Variants in G3BP2 observed in about 807,000 individuals in gnomAD.
G3BP2 encodes the protein G3BP stress granule assembly factor 2.
In G3BP2, 11 loss-of-function variants were observed where a neutral mutation model predicts 56.7. That is an observed-to-expected ratio of 0.19 (90% CI 0.12 to 0.32). The LOEUF (loss-of-function observed/expected upper bound fraction) is 0.32, where lower values mean the gene tolerates loss of function less well. G3BP2 is among the 10% of genes least tolerant of loss of function. G3BP2 has a pLI of 1.00. For missense variants in G3BP2, 340 were observed against 610.9 expected (o/e 0.56, Z 4.67); for synonymous variants, 165 against 191.6 (o/e 0.86, Z 1.15).
At chr4:75,648,785 G>A in intron 8 of G3BP2, 44 bp from the exon 9 acceptor site, 2 of 1,198,566 alleles carry the variant, frequency 1.7e-6, no homozygotes, top group Non-Finnish European at 1.2e-6. Context: ...ACACTCCACT[G>A]GAGAAAAACC....
At chr4:75,673,577 C>G (rs1057512261), upstream of G3BP2, 8 of 1,231,824 alleles carry the variant, frequency 6.5e-6, no homozygotes, top group Non-Finnish European at 8.1e-6. Flanking sequence ...CGCTCGCACA[C>G]GCTCGCGCCC....
chr4:75,656,380 T>C (rs972966893), intron 5 of G3BP2, among the ~76,000 whole-genome samples: 2 of 152,136 alleles, frequency 1.3e-5, no homozygotes, highest in Non-Finnish European at 2.9e-5. Flanking sequence ...AAGTTTAATA[T>C]TTATTGTACT....
At chr4:75,680,961 C>G (rs562373384) in intron 3 of G3BP2, among the ~76,000 whole-genome samples, 1 of 144,926 alleles carries the variant, frequency 6.9e-6, no homozygotes, top group Non-Finnish European at 1.5e-5. Flanking sequence ...AGCAAGACCC[C>G]GTCTCAAAAA....
intron 3 of G3BP2, among the ~76,000 whole-genome samples, chr4:75,697,515 T>C (rs1719174470): frequency 6.6e-6 from 1 of 152,130 alleles, no homozygotes; most frequent in African/African-American, 2.4e-5. Flanking sequence ...TTAATGTATT[T>C]ATGTAAATTA....
In G3BP2 at chr4:75,658,900, A is replaced by G; in HGVS notation, c.120T>C (p.Tyr40=). The stretch of plus-strand genomic sequence containing the variant: ...CACTAGCATCTACTCCACCATGAAC[A>G]TAGGAAGAATTCCTGCCATAAAACC... ...LHRFYGRNSS[Y]VHGGVDASGK... Residue 40 remains tyrosine, a synonymous_variant, in exon 3 of 12, where the codon TAT becomes TAC. Transcript: ENST00000359707. 6.2e-7 allele frequency: 1 copy of G among 1,612,736 alleles called. No homozygotes were observed. Among genetic ancestry groups the G allele is most frequent in the African/African-American group, 1.3e-5 (1 of 75,052 alleles).
intron 3 of G3BP2, among the ~76,000 whole-genome samples, chr4:75,691,207 G>C (rs1216428069): frequency 1.3e-5 from 2 of 151,878 alleles, no homozygotes; most frequent in Non-Finnish European, 2.9e-5. Flanking sequence ...AGCCTCCAAA[G>C]TAGCTGGGAT....
chr4:75,653,589 T>TAAAAA (rs11422883), intron 8 of G3BP2, among the ~76,000 whole-genome samples: 2 of 121,534 alleles, frequency 1.6e-5, no homozygotes, highest in African/African-American at 3.1e-5. Context: ...TTTTTTGCTT[T>TAAAAA]AAAAAAAAAA....
chr4:75,674,571 C>T (rs1733757096), upstream of G3BP2, among the ~76,000 whole-genome samples: 1 of 151,528 alleles, frequency 6.6e-6, no homozygotes, highest in South Asian at 2.1e-4. Context: ...TTCCTTAAAG[C>T]ATCAAAATAC....
chr4:75,679,415 A>G (rs1355634206), intron 3 of G3BP2, among the ~76,000 whole-genome samples: 1 of 152,210 alleles, frequency 6.6e-6, no homozygotes, highest in Non-Finnish European at 1.5e-5. Flanking sequence ...TCTGTTTGTG[A>G]GGCTGGGACA....
intron 1 of G3BP2, among the ~76,000 whole-genome samples, chr4:75,665,626 AACACAC>A (rs33922717): frequency 6.0e-4 from 86 of 142,796 alleles, no homozygotes; most frequent in African/African-American, 1.4e-3. Flanking sequence ...CAAACACACA[AACACAC>A]ACACACACAC....
intron 11 of G3BP2, 43 bp from the exon 12 acceptor site, chr4:75,645,745 C>A (rs751217492): frequency 6.4e-6 from 10 of 1,562,862 alleles, no homozygotes; most frequent in Non-Finnish European, 8.8e-6. Context: ...GCAGGTTAGA[C>A]AGCAATAGAA....
At chr4:75,720,954 T>C (rs1054746286) in exon 3 of G3BP2, among the ~76,000 whole-genome samples, 1 of 112,542 alleles carries the variant, frequency 8.9e-6, no homozygotes, top group African/African-American at 3.6e-5. Context: ...CTGGGTAACA[T>C]AGCAAGACTT....
At chr4:75,722,099 A>G (rs1389263665) in intron 2 of G3BP2, among the ~76,000 whole-genome samples, 2 of 152,036 alleles carry the variant, frequency 1.3e-5, no homozygotes, top group East Asian at 3.9e-4. Context: ...TTCTCCCTCT[A>G]CAAAATCAGT....
intron 8 of G3BP2, among the ~76,000 whole-genome samples, chr4:75,652,349 G>A (rs972484722): frequency 9.2e-5 from 14 of 152,194 alleles, no homozygotes; most frequent in African/African-American, 2.9e-4. Context: ...GAGGCTGGGC[G>A]CAGTGGCTCA....
At chr4:75,692,227 G>C (rs1343899641) in intron 3 of G3BP2, among the ~76,000 whole-genome samples, 1 of 152,110 alleles carries the variant, frequency 6.6e-6, no homozygotes, top group Admixed American at 6.6e-5. Flanking sequence ...CTTGTGCTCT[G>C]GCTTCCTGGA....
intron 3 of G3BP2, among the ~76,000 whole-genome samples, chr4:75,686,355 A>T (rs1199807475): frequency 1.3e-5 from 2 of 152,144 alleles, no homozygotes; most frequent in Non-Finnish European, 2.9e-5. Flanking sequence ...GTAACACAAT[A>T]AGGTTTCAGA....
Position 75,643,295 on chromosome 4 carries a change from T to TCATATATATATATATATATATATATA in G3BP2, c.*2134_*2135insTATATATATATATATATATATATATG, listed in dbSNP as rs1730984820. 1 of 99,942 alleles carries TCATATATATATATATATATATATATA rather than the reference T, an allele frequency of 1.0e-5. No homozygotes were observed. 6.2% of individuals were successfully genotyped at this position (99,942 alleles called of 1,614,324 possible). A position where few individuals can be genotyped will look rare whatever the true frequency, so the allele number is the denominator to read the frequency against. On this transcript the variant is annotated 3_prime_UTR_variant, in exon 12 of 12. Coordinates refer to ENST00000359707, the MANE Select transcript of G3BP2 (RefSeq NM_203505.3). ...GCAGGGCAATATCCTGAATTGGAAA[T>TCATATATATATATATATATATATATA]TATATATATATATATATATATGGAA...
intron 1 of G3BP2, among the ~76,000 whole-genome samples, chr4:75,668,855 A>C (rs912238800): frequency 6.6e-6 from 1 of 152,160 alleles, no homozygotes; most frequent in African/African-American, 2.4e-5. Flanking sequence ...ATTAACTCTT[A>C]AAGCACTTTT....
chr4:75,711,121 ACCAGCCTGG>A (rs1258739291), intron 3 of G3BP2, among the ~76,000 whole-genome samples: 1 of 151,826 alleles, frequency 6.6e-6, no homozygotes, highest in Non-Finnish European at 1.5e-5. Flanking sequence ...GGAGTTCAAG[ACCAGCCTGG>A]CCAACATGGT....
Sources: gnomAD v4.1 joint callset for allele counts (sites outside exome capture counted in the v4.1 genomes callset) on GRCh38, gnomAD v4.1.1 for gene constraint, MANE v1.5 for transcripts, NCBI Gene and HGNC (gene_info 2026-07-23, HGNC 2026-07-21) for gene names.